FSTL1: variants seen among roughly 807,000 people sequenced by gnomAD.
FSTL1 encodes the protein follistatin like 1.
A neutral mutation model predicts 45.9 loss-of-function variants in FSTL1; 24 were observed. That is an observed-to-expected ratio of 0.52 (90% confidence interval 0.38 to 0.74). FSTL1 has a LOEUF of 0.74. Ranked by LOEUF, FSTL1 falls within the 30% of genes least tolerant of loss-of-function variation. The pLI, the probability that FSTL1 is intolerant of heterozygous loss-of-function variation, is 0.00. For synonymous variants in FSTL1, 120 were observed against 137.6 expected (o/e 0.87, Z 0.89); for missense variants, 340 against 381.8 (o/e 0.89, Z 0.91).
chr3:120,401,911 G>C (rs1195758772), intron 9 of FSTL1, among the ~76,000 whole-genome samples: 1 of 152,128 alleles, frequency 6.6e-6, no homozygotes, highest in Non-Finnish European at 1.5e-5. Context: ...GAAACTTTTC[G>C]GCCTGGTTCC....
chr3:120,427,723 C>T (rs755181551), intron 2 of FSTL1, among the ~76,000 whole-genome samples: 19 of 152,172 alleles, frequency 1.2e-4, no homozygotes, highest in Non-Finnish European at 2.1e-4. Flanking sequence ...AGAAGAGCAA[C>T]GGAGGACGAA....
At chr3:120,407,423 T>C (rs900929983) in intron 6 of FSTL1, among the ~76,000 whole-genome samples, 8 of 152,224 alleles carry the variant, frequency 5.3e-5, no homozygotes, top group Non-Finnish European at 1.0e-4. Context: ...TCCAAGAGCA[T>C]GGAAGGCTCT....
At chr3:120,436,241 G>A (rs1202885271) in intron 2 of FSTL1, among the ~76,000 whole-genome samples, 1 of 152,154 alleles carries the variant, frequency 6.6e-6, no homozygotes, top group Non-Finnish European at 1.5e-5. Flanking sequence ...AAAACAACAT[G>A]GTCCACAAGT....
chr3:120,418,162 T>G (rs1937218405), intron 2 of FSTL1, among the ~76,000 whole-genome samples: 1 of 152,258 alleles, frequency 6.6e-6, no homozygotes, highest in South Asian at 2.1e-4. Flanking sequence ...ACTTTTGAGT[T>G]ATAACAACTA....
In FSTL1 at chr3:120,395,574, T is replaced by C. The variant is rs867933088; in HGVS notation, c.*1378A>G. On this transcript the variant is annotated 3_prime_UTR_variant, in exon 11 of 11. Transcript: ENST00000295633. Reference sequence around the variant, plus strand: ...TCCTGCTTTACCCATGAGGACTCCATATCATAGCACGACCTGTAGGGTCAT... The same window carrying C: ...TCCTGCTTTACCCATGAGGACTCCACATCATAGCACGACCTGTAGGGTCAT... 5 of 486,256 alleles carry C rather than the reference T, an allele frequency of 1.0e-5. No individual in the cohort carries two copies. Among genetic ancestry groups the C allele is most frequent in the South Asian group, 6.0e-5 (4 of 66,218 alleles). 30.1% of individuals were successfully genotyped at this position (486,256 alleles called of 1,614,324 possible).
intron 10 of FSTL1, among the ~76,000 whole-genome samples, chr3:120,399,092 A>G (rs1436796111): frequency 1.3e-5 from 2 of 152,200 alleles, no homozygotes; most frequent in Non-Finnish European, 2.9e-5. Flanking sequence ...TCTTGTGACC[A>G]TTATATTCCT....
At chr3:120,410,241 G>C (rs1266891929) in intron 5 of FSTL1, 2 of 167,814 alleles carry the variant, frequency 1.2e-5, no homozygotes, top group Admixed American at 5.7e-5. Context: ...ATAACAGGGG[G>C]TGCTGAGAGT....
At chr3:120,401,359 G>A (rs186753252) in intron 9 of FSTL1, among the ~76,000 whole-genome samples, 147 of 152,192 alleles carry the variant, frequency 9.7e-4, no homozygotes, top group African/African-American at 3.2e-3. Flanking sequence ...GTTTGCTGTC[G>A]TTCCACACTG....
At chr3:120,409,997 G>C in intron 5 of FSTL1, 1 of 164,304 alleles carries the variant, frequency 6.1e-6, no homozygotes, top group Non-Finnish European at 1.3e-5. Flanking sequence ...CAGCTCTCTT[G>C]ACTCAAAGAT....
intron 2 of FSTL1, among the ~76,000 whole-genome samples, chr3:120,429,013 A>G (rs564595531): frequency 8.9e-4 from 136 of 152,348 alleles, no homozygotes; most frequent in African/African-American, 3.2e-3. Context: ...CTGGCCAGGA[A>G]GAAAGTGGGG....
At chr3:120,447,152 C>T (rs1296997437) in intron 2 of FSTL1, among the ~76,000 whole-genome samples, 1 of 152,130 alleles carries the variant, frequency 6.6e-6, no homozygotes, top group Non-Finnish European at 1.5e-5. Context: ...GACTGAGCTT[C>T]AAGGGCACAC....
chr3:120,412,631 A>C (rs1937077787), intron 3 of FSTL1, among the ~76,000 whole-genome samples: 1 of 152,188 alleles, frequency 6.6e-6, no homozygotes, highest in Non-Finnish European at 1.5e-5. Context: ...CCCACATCAA[A>C]TGAGCAGAAA....
chr3:120,401,189 A>G (rs538195058), intron 9 of FSTL1, among the ~76,000 whole-genome samples: 32 of 152,338 alleles, frequency 2.1e-4, no homozygotes, highest in African/African-American at 7.7e-4. Flanking sequence ...GAGGCAGGCT[A>G]GGCCACTGAC....
At chr3:120,428,044 G>A (rs1460635706) in intron 2 of FSTL1, among the ~76,000 whole-genome samples, 2 of 152,154 alleles carry the variant, frequency 1.3e-5, no homozygotes, top group Non-Finnish European at 2.9e-5. Flanking sequence ...GAGGAACCCC[G>A]CCCTTACACT....
At chr3:120,415,856 G>A in intron 3 of FSTL1, 67 bp downstream of exon 3, 1 of 830,002 alleles carries the variant, frequency 1.2e-6, no homozygotes. Context: ...GCCTGCTGAT[G>A]GGTGGCTCCG....
rs1354344429 is a variant in FSTL1 at position 120,396,786 on chromosome 3, A to T, written c.*166T>A. On this transcript the variant is annotated 3_prime_UTR_variant, in exon 11 of 11. Coordinates refer to ENST00000295633, the MANE Select transcript of FSTL1 (RefSeq NM_007085.5). ...GGCTGTGGCCCTTCCCTTCCTAGCC[A>T]GCCACCTTCATATCCTTTATTGCAA... 3 of 630,286 alleles carry T rather than the reference A, an allele frequency of 4.8e-6. No homozygotes were observed. Among genetic ancestry groups the T allele is most frequent in the Non-Finnish European group, 8.5e-6 (3 of 353,178 alleles). 39.0% of individuals were successfully genotyped at this position (630,286 alleles called of 1,614,324 possible).
At chr3:120,409,697 C>A in intron 5 of FSTL1, 35 bp from the exon 6 acceptor site, 1 of 1,609,940 alleles carries the variant, frequency 6.2e-7, no homozygotes, top group South Asian at 1.1e-5. Flanking sequence ...CTGGAGCAGT[C>A]AGGGGAGGAC....
chr3:120,430,719 A>G (rs1937460496), intron 2 of FSTL1, among the ~76,000 whole-genome samples: 1 of 152,236 alleles, frequency 6.6e-6, no homozygotes, highest in Non-Finnish European at 1.5e-5. Context: ...AGGACAATCA[A>G]AAACATACCA....
chr3:120,395,595 G>A lies in FSTL1; in HGVS notation c.*1357C>T, dbSNP rs185685859. On this transcript the variant is annotated 3_prime_UTR_variant, in exon 11 of 11. Transcript: ENST00000295633. ...TCCATATCATAGCACGACCTGTAGG[G>A]TCATCAGGCTGAGATCAAATCTGGT... 18 of 510,614 alleles carry A rather than the reference G, an allele frequency of 3.5e-5. No homozygotes were observed. Among genetic ancestry groups the A allele is most frequent in the Middle Eastern group, 3.2e-4 (1 of 3,110 alleles). 31.6% of individuals were successfully genotyped at this position (510,614 alleles called of 1,614,324 possible).
Sources: allele counts gnomAD v4.1 joint callset (sites outside exome capture counted in the v4.1 genomes callset), GRCh38; gene constraint gnomAD v4.1.1; transcripts MANE v1.5; gene names NCBI Gene and HGNC (gene_info 2026-07-23, HGNC 2026-07-21).